PHKB: variants seen among roughly 807,000 people sequenced by gnomAD.
PHKB encodes the protein phosphorylase kinase regulatory subunit beta.
PHKB carries 122 observed loss-of-function variants against 152.1 expected under a neutral mutation model. That is an observed-to-expected ratio of 0.80 (90% CI 0.69 to 0.93). The LOEUF (loss-of-function observed/expected upper bound fraction) is 0.93, where lower values mean the gene tolerates loss of function less well. Among genes scored for constraint, PHKB ranks in the 40% least tolerant of loss-of-function variants. PHKB has a pLI of 0.00. For missense variants in PHKB, 1,304 were observed against 1,328.4 expected (o/e 0.98, Z 0.29); for synonymous variants, 436 against 464.9 (o/e 0.94, Z 0.80).
In PHKB at chr16:47,601,876, G is replaced by A. The variant is rs79012323; in HGVS notation, c.1363+5345G>A. On this transcript the variant is annotated intron_variant, in intron 13 of 30. Coordinates refer to ENST00000323584, the MANE Select transcript of PHKB (RefSeq NM_000293.3). ...TTACATATTGTATAATTTAAGGCAGGTGAATACAATAATTTTTTTAGGGTG... is the reference window on the plus strand; with the variant it reads ...TTACATATTGTATAATTTAAGGCAGATGAATACAATAATTTTTTTAGGGTG... Among the ~76,000 whole-genome samples, 125 of 152,218 alleles carry A rather than the reference G, an allele frequency of 8.2e-4. No individual in the cohort carries two copies. In the East Asian group the frequency reaches 0.023, roughly 28 times the overall value.
intron 14 of PHKB, among the ~76,000 whole-genome samples, chr16:47,636,946 C>T (rs530929599): frequency 2.1e-4 from 32 of 152,132 alleles, no homozygotes; most frequent in Non-Finnish European, 4.1e-4. Flanking sequence ...CACCCATGGC[C>T]GCCCATGGAC....
intron 1 of PHKB, among the ~76,000 whole-genome samples, chr16:47,471,093 C>T (rs541144888): frequency 6.6e-6 from 1 of 152,306 alleles, no homozygotes; most frequent in East Asian, 1.9e-4. Flanking sequence ...CTCATCAGCT[C>T]TCTGTCTCCT....
chr16:47,547,269 G>C (rs2541569), intron 6 of PHKB, among the ~76,000 whole-genome samples, 164 bp from the exon 7 acceptor site: 1 of 152,074 alleles, frequency 6.6e-6, no homozygotes, highest in African/African-American at 2.4e-5. Flanking sequence ...TTTTTTAGTA[G>C]AGATGAGTTT....
intron 7 of PHKB, among the ~76,000 whole-genome samples, chr16:47,548,319 A>T (rs148667693): frequency 6.6e-6 from 1 of 152,182 alleles, no homozygotes; most frequent in African/African-American, 2.4e-5. Context: ...GTAAAGAAAC[A>T]GTCTAGAGGC....
At chr16:47,696,338 A>C in intron 28 of PHKB, 43 bp from the exon 29 acceptor site, 1 of 925,260 alleles carries the variant, frequency 1.1e-6, no homozygotes, top group Non-Finnish European at 1.8e-6. Flanking sequence ...TGAGAACCAG[A>C]GCATAACGGT....
chr16:47,638,760 G>A (rs943957608), intron 14 of PHKB, among the ~76,000 whole-genome samples: 13 of 152,212 alleles, frequency 8.5e-5, no homozygotes, highest in African/African-American at 3.1e-4. Flanking sequence ...TTGTGGATTA[G>A]TGTCCACTTG....
chr16:47,597,226 T>G (rs753056225), intron 13 of PHKB, among the ~76,000 whole-genome samples: 7 of 152,190 alleles, frequency 4.6e-5, no homozygotes, highest in Non-Finnish European at 1.0e-4. Context: ...AGGCTAACTG[T>G]AAATACTGTA....
intron 6 of PHKB, among the ~76,000 whole-genome samples, chr16:47,517,372 C>T (rs942702091): frequency 6.6e-6 from 1 of 151,844 alleles, no homozygotes; most frequent in Admixed American, 6.6e-5. Context: ...TCTCCCACCT[C>T]AGCCTCCTCA....
chr16:47,642,081 G>T (rs959241229), intron 16 of PHKB, among the ~76,000 whole-genome samples: 2 of 151,138 alleles, frequency 1.3e-5, no homozygotes, highest in Admixed American at 1.3e-4. Flanking sequence ...TTTTGATTTG[G>T]TTTTTTCATC....
At chr16:47,532,298 G>A (rs1970874615) in intron 6 of PHKB, among the ~76,000 whole-genome samples, 1 of 152,206 alleles carries the variant, frequency 6.6e-6, no homozygotes, top group Non-Finnish European at 1.5e-5. Context: ...AATTGAAGGT[G>A]CACTTGGTGT....
chr16:47,661,809 G>T lies in PHKB; in HGVS notation c.2278+9G>T, dbSNP rs1402083021. The T allele has an allele frequency of 6.3e-7, 1 of 1,577,150 alleles. No homozygotes were observed. ...CTTCATCACAAAGGAAGGTAAGCATGCATGTCTAGGAGAACATTTTAAGAG... is the reference window on the plus strand; with the variant it reads ...CTTCATCACAAAGGAAGGTAAGCATTCATGTCTAGGAGAACATTTTAAGAG... On this transcript the variant is annotated intron_variant, in intron 23 of 30. Coordinates refer to ENST00000323584, the MANE Select transcript of PHKB (RefSeq NM_000293.3).
In PHKB at chr16:47,511,667, C is replaced by T; in HGVS notation, c.408C>T (p.Val136=). 3 of 1,596,720 alleles carry T rather than the reference C, an allele frequency of 1.9e-6. No individual in the cohort carries two copies. The highest frequency in any genetic ancestry group is 2.6e-6 in the Non-Finnish European group (3 of 1,164,298). ...TTTAATTTTATATTTCATTCTAGGT[C>T]CAGCAGTTTAAGCAGGATCCACGCC... The part of the protein sequence containing the change: ...LYCYMRQADK[V]QQFKQDPRPT... Residue 136 remains valine, a splice_region_variant and synonymous_variant, in exon 5 of 31, where the codon GTC becomes GTT. Transcript: ENST00000323584.
chr16:47,677,207 C>T (rs1207351246), intron 26 of PHKB, among the ~76,000 whole-genome samples: 1 of 152,096 alleles, frequency 6.6e-6, no homozygotes, highest in Non-Finnish European at 1.5e-5. Flanking sequence ...ATGAAGCTCC[C>T]CAACCTCTAT....
intron 18 of PHKB, among the ~76,000 whole-genome samples, 158 bp downstream of exon 18, chr16:47,649,362 A>G (rs1042250488): frequency 2.6e-5 from 4 of 152,126 alleles, no homozygotes; most frequent in African/African-American, 9.7e-5. Flanking sequence ...GAGAGTGTAA[A>G]TTACTTGCAG....
intron 6 of PHKB, among the ~76,000 whole-genome samples, chr16:47,524,596 C>G (rs1344886213): frequency 2.0e-5 from 3 of 152,164 alleles, no homozygotes; most frequent in East Asian, 3.9e-4. Context: ...TAGTGAAACC[C>G]TGTATCTACT....
At chr16:47,671,837 AT>A (rs1973643791) in intron 26 of PHKB, among the ~76,000 whole-genome samples, 1 of 152,212 alleles carries the variant, frequency 6.6e-6, no homozygotes, top group South Asian at 2.1e-4. Flanking sequence ...TTTTAGCCAT[AT>A]AAAAAATGCT....
At position 47,667,173 on chromosome 16, in the gene PHKB, C is replaced by G. The variant is rs1973553005; in HGVS notation, c.2428-2042C>G. On this transcript the variant is annotated intron_variant, in intron 25 of 30. Coordinates refer to ENST00000323584, the MANE Select transcript of PHKB (RefSeq NM_000293.3). The stretch of plus-strand genomic sequence containing the variant: ...TCCTGCTGGGCATGGTGGCTCACAC[C>G]TGTAATCCAAACACTTTGGGGGCCA... Among the ~76,000 whole-genome samples the G allele has an allele frequency of 3.9e-5, 6 of 152,144 alleles. No homozygotes were observed. The South Asian group carries it at 1.2e-3, about 32-fold the overall frequency.
intron 8 of PHKB, among the ~76,000 whole-genome samples, chr16:47,581,830 C>T (rs1971852309): frequency 6.6e-6 from 1 of 152,128 alleles, no homozygotes; most frequent in South Asian, 2.1e-4. Flanking sequence ...CAGGCGGCTG[C>T]CACCACGCCC....
chr16:47,598,323 A>G (rs569471911), intron 13 of PHKB, among the ~76,000 whole-genome samples: 2 of 152,308 alleles, frequency 1.3e-5, no homozygotes, highest in East Asian at 3.9e-4. Flanking sequence ...TAAATGATGT[A>G]TTGAACATAC....
Sources: allele counts gnomAD v4.1 joint callset (sites outside exome capture counted in the v4.1 genomes callset), GRCh38; gene constraint gnomAD v4.1.1; transcripts MANE v1.5; gene names NCBI Gene and HGNC (gene_info 2026-07-23, HGNC 2026-07-21).